PHACTR1: variants seen among roughly 807,000 people sequenced by gnomAD.
PHACTR1 encodes the protein phosphatase and actin regulator 1, also known as RPEL repeat containing 1.
Under a neutral mutation model 69.2 loss-of-function variants are expected in PHACTR1, and 16 were observed. That is an observed-to-expected ratio of 0.23 (90% CI 0.16 to 0.35). The LOEUF (loss-of-function observed/expected upper bound fraction) is 0.35. Among genes scored for constraint, PHACTR1 ranks in the 10% least tolerant of loss-of-function variants. PHACTR1 has a pLI of 1.00. For missense variants in PHACTR1, 510 were observed against 734.7 expected (o/e 0.69, Z 3.54); for synonymous variants, 312 against 284.5 (o/e 1.10, Z -0.97).
chr6:12,757,214 A>T (rs1355757433), intron 4 of PHACTR1, among the ~76,000 whole-genome samples: 1 of 152,198 alleles, frequency 6.6e-6, no homozygotes, highest in East Asian at 1.9e-4. Flanking sequence ...AACAATGCCC[A>T]TATGGGGTGG....
chr6:12,804,492 A>G (rs1774070504), intron 4 of PHACTR1, among the ~76,000 whole-genome samples: 1 of 152,226 alleles, frequency 6.6e-6, no homozygotes, highest in Non-Finnish European at 1.5e-5. Flanking sequence ...CAGAATGATT[A>G]TTTGAAATAT....
At chr6:12,803,543 C>A (rs1053028542) in intron 4 of PHACTR1, among the ~76,000 whole-genome samples, 1 of 152,224 alleles carries the variant, frequency 6.6e-6, no homozygotes, top group Non-Finnish European at 1.5e-5. Context: ...TTCTTGCACT[C>A]TTAGAGTGTA....
intron 5 of PHACTR1, among the ~76,000 whole-genome samples, chr6:13,126,133 G>GA (rs1288180804): frequency 6.6e-6 from 1 of 152,122 alleles, no homozygotes; most frequent in Non-Finnish European, 1.5e-5. Context: ...CAAGAAGAAA[G>GA]AAAAATGGTT....
intron 12 of PHACTR1, among the ~76,000 whole-genome samples, chr6:13,281,744 G>T (rs943399455): frequency 2.0e-5 from 3 of 152,234 alleles, no homozygotes; most frequent in Non-Finnish European, 4.4e-5. Flanking sequence ...ACATTGTGGA[G>T]AACATGTTTT....
At chr6:13,236,305 A>T (rs1771978968) in intron 10 of PHACTR1, among the ~76,000 whole-genome samples, 2 of 152,218 alleles carry the variant, frequency 1.3e-5, no homozygotes, top group African/African-American at 4.8e-5. Flanking sequence ...ATTATTCCCA[A>T]TGATCAAAGG....
intron 4 of PHACTR1, among the ~76,000 whole-genome samples, chr6:12,793,188 G>GTTAAATTAAAGTTAACTAAACACTC (rs1772551621): frequency 6.6e-6 from 1 of 152,204 alleles, no homozygotes; most frequent in Non-Finnish European, 1.5e-5. Flanking sequence ...GAGTGTTTCA[G>GTTAAATTAAAGTTAACTAAACACTC]AATTAAAGTT....
At chr6:12,894,671 A>G (rs1034790949) in intron 4 of PHACTR1, among the ~76,000 whole-genome samples, 1 of 152,144 alleles carries the variant, frequency 6.6e-6, no homozygotes, top group East Asian at 1.9e-4. Flanking sequence ...CTAACCACAT[A>G]GTAGAGTTAG....
chr6:13,093,404 A>C (rs900569653), intron 5 of PHACTR1, among the ~76,000 whole-genome samples: 1 of 152,234 alleles, frequency 6.6e-6, no homozygotes, highest in Non-Finnish European at 1.5e-5. Flanking sequence ...CAAATGTTCT[A>C]TAAGAAAGAT....
intron 4 of PHACTR1, among the ~76,000 whole-genome samples, chr6:13,044,508 T>C (rs1038238294): frequency 1.3e-5 from 2 of 151,698 alleles, no homozygotes; most frequent in Admixed American, 6.6e-5. Context: ...GGGTGGAGGG[T>C]GGAGATGCAA....
chr6:12,790,145 G>A (rs1181518253), intron 4 of PHACTR1, among the ~76,000 whole-genome samples: 2 of 151,998 alleles, frequency 1.3e-5, no homozygotes, highest in Non-Finnish European at 2.9e-5. Context: ...ATGAAAGGCA[G>A]GTCATATCAT....
chr6:13,225,008 G>C (rs375553039), intron 8 of PHACTR1, among the ~76,000 whole-genome samples: 1 of 151,464 alleles, frequency 6.6e-6, no homozygotes, highest in African/African-American at 2.5e-5. Context: ...GTGGCAAAAC[G>C]TGGACTCAGA....
At chr6:13,209,778 T>C (rs1401113505) in intron 8 of PHACTR1, among the ~76,000 whole-genome samples, 2 of 152,258 alleles carry the variant, frequency 1.3e-5, no homozygotes. Flanking sequence ...CAAGAAGGTC[T>C]GACTGTTAGA....
At chr6:13,230,395 T>C in intron 10 of PHACTR1, 2 of 1,272,602 alleles carry the variant, frequency 1.6e-6, no homozygotes, top group Non-Finnish European at 2.0e-6. Context: ...CTACTAAAAA[T>C]GCAAAAATTA....
intron 4 of PHACTR1, among the ~76,000 whole-genome samples, chr6:12,847,205 G>C (rs1209476263): frequency 6.6e-6 from 1 of 152,026 alleles, no homozygotes; most frequent in East Asian, 1.9e-4. Context: ...TAGGTAATTC[G>C]ACCACACCTG....
At chr6:12,784,630 A>G (rs1456486949) in intron 4 of PHACTR1, among the ~76,000 whole-genome samples, 1 of 152,030 alleles carries the variant, frequency 6.6e-6, no homozygotes, top group Non-Finnish European at 1.5e-5. Context: ...ATAAACATGC[A>G]TATATACATA....
chr6:13,084,851 T>A (rs1212224056), intron 5 of PHACTR1, among the ~76,000 whole-genome samples: 2 of 152,028 alleles, frequency 1.3e-5, no homozygotes, highest in Non-Finnish European at 2.9e-5. Context: ...TAAGGCTAAC[T>A]ACTAAAAGAA....
intron 4 of PHACTR1, among the ~76,000 whole-genome samples, chr6:13,031,165 A>G (rs1802404507): frequency 6.6e-6 from 1 of 152,248 alleles, no homozygotes; most frequent in African/African-American, 2.4e-5. Context: ...TAACTTATTC[A>G]TATTGGAATA....
chr6:13,126,104 C>A (rs1388031272), intron 5 of PHACTR1, among the ~76,000 whole-genome samples: 1 of 151,996 alleles, frequency 6.6e-6, no homozygotes. Flanking sequence ...CTTCTCGGGA[C>A]TCAGACCAAA....
chr6:12,857,584 A>C (rs1037068869), intron 4 of PHACTR1, among the ~76,000 whole-genome samples: 3 of 146,164 alleles, frequency 2.1e-5, no homozygotes, highest in Non-Finnish European at 4.5e-5. Flanking sequence ...GCCTGGGGAC[A>C]GAATAAGACT....
Sources: gnomAD v4.1 joint callset for allele counts (sites outside exome capture counted in the v4.1 genomes callset) on GRCh38, gnomAD v4.1.1 for gene constraint, MANE v1.5 for transcripts, NCBI Gene and HGNC (gene_info 2026-07-23, HGNC 2026-07-21) for gene names.